RSRC1: variants seen among roughly 807,000 people sequenced by gnomAD.
RSRC1 encodes the protein arginine and serine rich coiled-coil 1, also known as serine/Arginine-related protein 53.
Under a neutral mutation model 49.1 loss-of-function variants are expected in RSRC1, and 39 were observed. That is an observed-to-expected ratio of 0.79 (90% CI 0.61 to 1.04). The LOEUF is 1.04. RSRC1 is among the 50% of genes least tolerant of loss of function. RSRC1 has a pLI of 0.00. For missense variants in RSRC1, 388 were observed against 402.4 expected (o/e 0.96, Z 0.31); for synonymous variants, 143 against 130.8 (o/e 1.09, Z -0.63).
At chr3:158,229,920 G>A (rs1412930066) in intron 4 of RSRC1, among the ~76,000 whole-genome samples, 3 of 151,802 alleles carry the variant, frequency 2.0e-5, no homozygotes, top group East Asian at 1.9e-4. Flanking sequence ...TTTAACATTT[G>A]TACAATATGA....
chr3:158,391,168 C>A (rs1262358748), intron 6 of RSRC1, among the ~76,000 whole-genome samples: 3 of 152,098 alleles, frequency 2.0e-5, no homozygotes, highest in Non-Finnish European at 4.4e-5. Flanking sequence ...TCTCCACACC[C>A]CCACCCTGGG....
At chr3:158,427,917 A>G (rs1360430663) in intron 6 of RSRC1, among the ~76,000 whole-genome samples, 2 of 151,880 alleles carry the variant, frequency 1.3e-5, no homozygotes, top group East Asian at 3.9e-4. Context: ...CTTCATGCAT[A>G]CTTTTTTCAT....
intron 4 of RSRC1, among the ~76,000 whole-genome samples, chr3:158,216,117 T>G: frequency 6.6e-6 from 1 of 151,544 alleles, no homozygotes. Context: ...ATATATTTTA[T>G]TAGGTTGGTG....
intron 4 of RSRC1, among the ~76,000 whole-genome samples, chr3:158,278,356 G>A (rs918864089): frequency 2.6e-5 from 4 of 152,082 alleles, no homozygotes; most frequent in South Asian, 2.1e-4. Context: ...GCCTCTTTCC[G>A]CTCTCTGTTG....
chr3:158,503,982 G>A (rs750856178), intron 7 of RSRC1, among the ~76,000 whole-genome samples: 10 of 152,176 alleles, frequency 6.6e-5, no homozygotes, highest in South Asian at 2.1e-4. Context: ...TCTAGACACC[G>A]TCCTGGTGGA....
rs138202106 is a variant in RSRC1, at chr3:158,266,054, A to G, written c.495-31985A>G. On this transcript the variant is annotated intron_variant, in intron 4 of 9. Transcript: ENST00000611884. ...TTTGCATTCTGTTTTATTTATCTAT[A>G]TATCTCTTATTTCATCCATACCAAC... 1.1e-3 allele frequency among the ~76,000 whole-genome samples: 162 copies of G among 152,224 alleles called. 2 individuals carry two copies. The East Asian group carries it at 0.02, about 19-fold the overall frequency.
intron 4 of RSRC1, among the ~76,000 whole-genome samples, chr3:158,285,830 A>G (rs894949455): frequency 2.1e-4 from 32 of 152,280 alleles, no homozygotes; most frequent in Admixed American, 1.9e-3. Context: ...CAATCATGTC[A>G]TCTGCAAACA....
At chr3:158,479,463 G>A (rs1358974879) in intron 7 of RSRC1, among the ~76,000 whole-genome samples, 1 of 151,628 alleles carries the variant, frequency 6.6e-6, no homozygotes, top group Admixed American at 6.6e-5. Context: ...AATGAGTTTG[G>A]TTTAACATAT....
At chr3:158,169,689 G>A (rs1718757816) in intron 3 of RSRC1, among the ~76,000 whole-genome samples, 1 of 151,990 alleles carries the variant, frequency 6.6e-6, no homozygotes, top group Non-Finnish European at 1.5e-5. Context: ...TGCTTCTCTT[G>A]GCTCACCTAA....
intron 5 of RSRC1, among the ~76,000 whole-genome samples, chr3:158,326,188 G>C (rs1326312922): frequency 1.3e-5 from 2 of 152,128 alleles, no homozygotes; most frequent in Non-Finnish European, 2.9e-5. Flanking sequence ...GGGACAATTT[G>C]ACTTCCTCTT....
At chr3:158,308,110 A>C (rs1727938376) in intron 5 of RSRC1, among the ~76,000 whole-genome samples, 1 of 152,002 alleles carries the variant, frequency 6.6e-6, no homozygotes, top group Non-Finnish European at 1.5e-5. Context: ...GTATGAACAT[A>C]AATTTGTAAC....
chr3:158,265,606 G>A (rs1426405880), intron 4 of RSRC1, among the ~76,000 whole-genome samples: 1 of 151,240 alleles, frequency 6.6e-6, no homozygotes, highest in Non-Finnish European at 1.5e-5. Flanking sequence ...TCTCTAGCCT[G>A]GGTGACAACA....
intron 4 of RSRC1, among the ~76,000 whole-genome samples, chr3:158,256,383 A>G (rs185967366): frequency 1.3e-5 from 2 of 152,244 alleles, no homozygotes; most frequent in African/African-American, 2.4e-5. Context: ...CGTATGTTGA[A>G]CTAGCCTTGC....
chr3:158,196,763 T>A (rs1409040912), intron 3 of RSRC1, among the ~76,000 whole-genome samples: 1 of 152,184 alleles, frequency 6.6e-6, no homozygotes, highest in African/African-American at 2.4e-5. Flanking sequence ...GATAATCATG[T>A]GGTTTTTGTC....
In RSRC1 at chr3:158,142,104, G is replaced by T. The variant is rs544327745; in HGVS notation, c.320+18113G>T. 2.6e-3 allele frequency among the ~76,000 whole-genome samples: 401 copies of T among 151,494 alleles called. 4 individuals are homozygous for T. The highest frequency in any genetic ancestry group is 9.3e-3 in the African/African-American group (383 of 41,184). The stretch of plus-strand genomic sequence containing the variant: ...CAGAGCGAGACTCCGTCTCAAAAAA[G>T]AAAGAAAGAAAGAAAGAAAGATTTC... On this transcript the variant is annotated intron_variant, in intron 3 of 9. Transcript: ENST00000611884.
intron 4 of RSRC1, among the ~76,000 whole-genome samples, chr3:158,234,388 T>C (rs1394775661): frequency 6.6e-6 from 1 of 152,196 alleles, no homozygotes; most frequent in Non-Finnish European, 1.5e-5. Context: ...TTTGTAGTGA[T>C]ATTTTAGGTC....
intron 4 of RSRC1, among the ~76,000 whole-genome samples, chr3:158,222,010 G>A (rs1480454925): frequency 6.6e-6 from 1 of 151,424 alleles, no homozygotes; most frequent in African/African-American, 2.4e-5. Context: ...ATTACCTAAT[G>A]TATCCATGAA....
Position 158,299,958 on chromosome 3 carries a change from A to C in RSRC1, c.531+1883A>C, listed in dbSNP as rs544733489. Among the ~76,000 whole-genome samples the C allele has an allele frequency of 1.3e-4, 20 of 152,350 alleles. No individual in the cohort carries two copies. The South Asian group carries it at 4.1e-3, about 32-fold the overall frequency. On this transcript the variant is annotated intron_variant, in intron 5 of 9. Transcript: ENST00000611884. ...TTATTTTGTAAACTTTTGAACTTTT[A>C]AATAACATTTCATCTGAAGAAAGAG...
chr3:158,446,465 T>C (rs1736726845), intron 6 of RSRC1, among the ~76,000 whole-genome samples: 1 of 152,020 alleles, frequency 6.6e-6, no homozygotes, highest in Non-Finnish European at 1.5e-5. Context: ...GCTGAAAACC[T>C]ATATATTTTT....
Sources: allele counts gnomAD v4.1 joint callset (sites outside exome capture counted in the v4.1 genomes callset), GRCh38; gene constraint gnomAD v4.1.1; transcripts MANE v1.5; gene names NCBI Gene and HGNC (gene_info 2026-07-23, HGNC 2026-07-21).